The following GRAMD1B variants were observed in gnomAD, a reference collection of about 807,000 sequenced individuals.
The protein encoded by GRAMD1B is protein Aster-B.
In GRAMD1B, 37 loss-of-function variants were observed where a neutral mutation model predicts 99.7. The observed-to-expected ratio is 0.37, with a 90% confidence interval of 0.29 to 0.49. The LOEUF (loss-of-function observed/expected upper bound fraction) is 0.49, where lower values mean the gene tolerates loss of function less well. Among genes scored for constraint, GRAMD1B ranks in the 20% least tolerant of loss-of-function variants. The pLI is 0.98. For synonymous variants in GRAMD1B, 427 were observed against 387.6 expected, an observed-to-expected ratio of 1.10 and a Z score of -1.19; for missense variants, 888 against 1,009.2, an observed-to-expected ratio of 0.88 and a Z score of 1.63.
intron 2 of GRAMD1B, among the ~76,000 whole-genome samples, chr11:123,501,234 G>A (rs745761598): frequency 2.6e-5 from 4 of 151,918 alleles, no homozygotes; most frequent in Non-Finnish European, 5.9e-5. Flanking sequence ...ACAGTGGCAC[G>A]ATCTCGGCTC....
intron 2 of GRAMD1B, among the ~76,000 whole-genome samples, chr11:123,545,219 G>C (rs182662826): frequency 6.6e-6 from 1 of 152,232 alleles, no homozygotes; most frequent in South Asian, 2.1e-4. Flanking sequence ...AGTGGGTGGG[G>C]TGAAGTGGGA....
intron 3 of GRAMD1B, chr11:123,578,386 C>T: frequency 9.2e-6 from 14 of 1,522,746 alleles, no homozygotes; most frequent in East Asian, 2.4e-5. Context: ...TTCCCAAATA[C>T]CTTCTTTGCA....
intron 2 of GRAMD1B, among the ~76,000 whole-genome samples, chr11:123,506,545 T>G (rs532641686): frequency 6.6e-6 from 1 of 152,260 alleles, no homozygotes; most frequent in Non-Finnish European, 1.5e-5. Flanking sequence ...CTGTATTTCC[T>G]TAAATATTAG....
intron 1 of GRAMD1B, among the ~76,000 whole-genome samples, chr11:123,377,352 C>T (rs1318820814): frequency 6.6e-6 from 1 of 152,106 alleles, no homozygotes; most frequent in African/African-American, 2.4e-5. Context: ...TGATCATTCT[C>T]ATGTTTGATG....
At chr11:123,598,619 T>C (rs1447571600) in intron 7 of GRAMD1B, 3 of 1,436,340 alleles carry the variant, frequency 2.1e-6, no homozygotes, top group African/African-American at 2.8e-5. Flanking sequence ...CTCGCTCTTC[T>C]GGGATCCTGC....
At chr11:123,436,565 A>T (rs911712264) in intron 1 of GRAMD1B, among the ~76,000 whole-genome samples, 2 of 152,196 alleles carry the variant, frequency 1.3e-5, no homozygotes, top group Non-Finnish European at 2.9e-5. Context: ...AGTCAATTCA[A>T]TGAGGAGCTG....
intron 1 of GRAMD1B, among the ~76,000 whole-genome samples, chr11:123,379,313 C>T (rs567242507): frequency 4.6e-5 from 7 of 152,244 alleles, no homozygotes; most frequent in East Asian, 3.9e-4. Context: ...TGAATGCTTT[C>T]GTTGACGGAT....
intron 2 of GRAMD1B, among the ~76,000 whole-genome samples, chr11:123,497,633 T>C (rs1939433677): frequency 6.6e-6 from 1 of 152,170 alleles, no homozygotes. Context: ...CCAGGTGCTG[T>C]GGCTCACGCC....
chr11:123,482,358 A>C (rs1195466997), intron 2 of GRAMD1B, among the ~76,000 whole-genome samples: 1 of 152,124 alleles, frequency 6.6e-6, no homozygotes, highest in Non-Finnish European at 1.5e-5. Flanking sequence ...TTCAGCCCTC[A>C]AAGTGCTGGG....
At chr11:123,374,269 G>A (rs528251765) in intron 1 of GRAMD1B, among the ~76,000 whole-genome samples, 4 of 152,144 alleles carry the variant, frequency 2.6e-5, no homozygotes, top group African/African-American at 9.7e-5. Context: ...ACTGAGCCTA[G>A]TATTATGAGG....
rs1382766541 is a variant in GRAMD1B at position 123,479,158 on chromosome 11, C to T, written c.375-1658C>T. On this transcript the variant is annotated intron_variant, in intron 1 of 19. Coordinates refer to ENST00000635736, the MANE Select transcript of GRAMD1B (RefSeq NM_001387025.1). Reference sequence around the variant, plus strand: ...AAAGGGATTCCGTACACAGTGAGTTCTGCCGAGCAGCCGGAGGCTTTGTGT... The same window carrying T: ...AAAGGGATTCCGTACACAGTGAGTTTTGCCGAGCAGCCGGAGGCTTTGTGT... 1.3e-5 allele frequency among the ~76,000 whole-genome samples: 2 copies of T among 152,224 alleles called. 1 individual carries two copies. The highest frequency in any genetic ancestry group is 3.8e-4 in the East Asian group (2 of 5,206).
At chr11:123,415,095 C>CTTTTTTTTTTTTTTTTTTTTTTT (rs1175202539) in intron 1 of GRAMD1B, among the ~76,000 whole-genome samples, 22 of 75,812 alleles carry the variant, frequency 2.9e-4, no homozygotes, top group African/African-American at 4.2e-4. Flanking sequence ...CTTTTTCTTT[C>CTTTTTTTTTTTTTTTTTTTTTTT]TTTTTTTTTT....
intron 2 of GRAMD1B, among the ~76,000 whole-genome samples, chr11:123,483,725 C>T (rs1013580763): frequency 9.9e-5 from 15 of 152,082 alleles, no homozygotes; most frequent in Non-Finnish European, 1.9e-4. Context: ...TAACAAACCG[C>T]AGATAAGGGG....
chr11:123,600,454 CT>C lies in GRAMD1B; in HGVS notation c.970-10del. The stretch of plus-strand genomic sequence containing the variant: ...CTCAACAGATATTTATTGTTATTTT[CT>C]TTTCCAATCTAGCACTTCTTCACTT... On this transcript the variant is annotated splice_polypyrimidine_tract_variant and intron_variant, in intron 7 of 19. Transcript: ENST00000635736. 1 of 1,545,222 alleles carries C rather than the reference CT, an allele frequency of 6.5e-7. No homozygotes were observed. Among genetic ancestry groups the C allele is most frequent in the Non-Finnish European group, 8.9e-7 (1 of 1,119,532 alleles).
At chr11:123,535,747 CTGTT>C (rs1325089772) in intron 2 of GRAMD1B, among the ~76,000 whole-genome samples, 1 of 152,138 alleles carries the variant, frequency 6.6e-6, no homozygotes. Context: ...TGAACATTGT[CTGTT>C]CACCGTTCAG....
upstream of GRAMD1B, among the ~76,000 whole-genome samples, chr11:123,428,326 G>A (rs1948725805): frequency 6.6e-6 from 1 of 152,214 alleles, no homozygotes; most frequent in Non-Finnish European, 1.5e-5. Context: ...CAGCATCCCT[G>A]GAGCCGGAAG....
At chr11:123,550,360 CT>C (rs1287614935) in intron 2 of GRAMD1B, among the ~76,000 whole-genome samples, 8 of 152,152 alleles carry the variant, frequency 5.3e-5, no homozygotes, top group Admixed American at 3.3e-4. Flanking sequence ...TCATGATCTC[CT>C]TCCCCCCAGA....
intron 2 of GRAMD1B, among the ~76,000 whole-genome samples, chr11:123,558,198 GGT>G (rs1309496532): frequency 6.6e-6 from 1 of 151,826 alleles, no homozygotes; most frequent in Non-Finnish European, 1.5e-5. Flanking sequence ...TGGCCAGGCT[GGT>G]CTAAAACTCC....
At chr11:123,478,765 T>C (rs552074895) in intron 1 of GRAMD1B, among the ~76,000 whole-genome samples, 1 of 152,318 alleles carries the variant, frequency 6.6e-6, no homozygotes, top group South Asian at 2.1e-4. Flanking sequence ...TGACCCCTGC[T>C]TTGAAGAGGC....
Sources: allele counts gnomAD v4.1 joint callset (sites outside exome capture counted in the v4.1 genomes callset), GRCh38; gene constraint gnomAD v4.1.1; transcripts MANE v1.5; gene names NCBI Gene and HGNC (gene_info 2026-07-23, HGNC 2026-07-21).